Variants in KLF12 observed in about 807,000 individuals in gnomAD.
The protein encoded by KLF12 is Krueppel-like factor 12.
In KLF12, 9 loss-of-function variants were observed where a neutral mutation model predicts 37.8. The observed-to-expected ratio is 0.24, with a 90% CI of 0.14 to 0.42. KLF12 has a LOEUF of 0.42. Ranked by LOEUF, KLF12 falls within the 10% of genes least tolerant of loss-of-function variation. KLF12 has a pLI of 1.00. For missense variants in KLF12, 411 were observed against 516.0 expected, an observed-to-expected ratio of 0.80 and a Z score of 1.97; for synonymous variants, 208 against 202.1, an observed-to-expected ratio of 1.03 and a Z score of -0.25.
At chr13:73,720,145 A>T (rs1339060947) in intron 6 of KLF12, among the ~76,000 whole-genome samples, 1 of 152,132 alleles carries the variant, frequency 6.6e-6, no homozygotes, top group Non-Finnish European at 1.5e-5. Flanking sequence ...AGCTGGAAAA[A>T]GTGAGAGAAA....
At chr13:74,167,017 A>G in the KLF12 span, among the ~76,000 whole-genome samples, 1 of 152,202 alleles carries the variant, frequency 6.6e-6, no homozygotes, top group Non-Finnish European at 1.5e-5. Context: ...AAACAAAACC[A>G]TATTTTCTTC....
chr13:74,026,937 A>G (rs1403504971), intron 1 of KLF12, among the ~76,000 whole-genome samples: 3 of 152,158 alleles, frequency 2.0e-5, no homozygotes, highest in Non-Finnish European at 2.9e-5. Context: ...CACCACCTAG[A>G]AAAGTCAGGG....
At chr13:73,879,856 T>G (rs1222505053) in intron 3 of KLF12, among the ~76,000 whole-genome samples, 1 of 152,064 alleles carries the variant, frequency 6.6e-6, no homozygotes, top group Non-Finnish European at 1.5e-5. Flanking sequence ...AGAGCAAGAG[T>G]CTTTGTGATG....
At chr13:73,761,095 T>C (rs1879518171) in intron 6 of KLF12, among the ~76,000 whole-genome samples, 1 of 152,018 alleles carries the variant, frequency 6.6e-6, no homozygotes, top group African/African-American at 2.4e-5. Flanking sequence ...CTCCTGTGGG[T>C]CTGATATTAG....
intron 4 of KLF12, among the ~76,000 whole-genome samples, chr13:73,842,429 C>G (rs574102452): frequency 6.6e-6 from 1 of 152,162 alleles, no homozygotes; most frequent in African/African-American, 2.4e-5. Context: ...CACTATGAGA[C>G]AGAAACAACA....
chr13:73,763,847 G>A (rs1440376630), intron 6 of KLF12, among the ~76,000 whole-genome samples: 1 of 152,040 alleles, frequency 6.6e-6, no homozygotes, highest in East Asian at 1.9e-4. Context: ...AGGATGCCCC[G>A]GCTCTGAGGC....
At chr13:73,738,010 C>T (rs1566330740) in intron 6 of KLF12, among the ~76,000 whole-genome samples, 5 of 107,896 alleles carry the variant, frequency 4.6e-5, no homozygotes, top group Admixed American at 3.5e-4. Flanking sequence ...CTTAAATACA[C>T]TTCATTCAAC....
chr13:73,781,770 T>G (rs1397926607), intron 5 of KLF12, among the ~76,000 whole-genome samples: 3 of 151,980 alleles, frequency 2.0e-5, no homozygotes, highest in Non-Finnish European at 4.4e-5. Context: ...ATACATGTAA[T>G]CAACAACACA....
In KLF12 at chr13:73,687,879, T is replaced by C. The variant is rs945109377; in HGVS notation, c.*7611A>G. On this transcript the variant is annotated 3_prime_UTR_variant, in exon 8 of 8. Transcript: ENST00000377669. ...GATGAAATCCAGAAAGAAAAAGTAC[T>C]GAGGCGACTGTTTCCACTATTGATC... 6.6e-6 allele frequency: 1 copy of C among 152,230 alleles called. No homozygotes were observed. The highest frequency in any genetic ancestry group is 2.4e-5 in the African/African-American group (1 of 41,472). 9.4% of individuals were successfully genotyped at this position (152,230 alleles called of 1,614,324 possible).
intron 2 of KLF12, among the ~76,000 whole-genome samples, chr13:73,978,277 G>C (rs1364037890): frequency 6.6e-6 from 1 of 152,116 alleles, no homozygotes; most frequent in Non-Finnish European, 1.5e-5. Flanking sequence ...AGAAAAAAAA[G>C]AGTGTAAAAA....
chr13:73,976,053 A>G (rs1390075620), intron 2 of KLF12, among the ~76,000 whole-genome samples: 2 of 152,078 alleles, frequency 1.3e-5, no homozygotes, highest in Non-Finnish European at 2.9e-5. Flanking sequence ...CATGGTTGGA[A>G]GCTCAGAAAC....
chr13:73,702,699 C>G (rs1874650017), intron 7 of KLF12, among the ~76,000 whole-genome samples: 1 of 152,144 alleles, frequency 6.6e-6, no homozygotes, highest in Admixed American at 6.6e-5. Flanking sequence ...CAGACACTGA[C>G]AAATGAGCTT....
intron 6 of KLF12, among the ~76,000 whole-genome samples, chr13:73,739,729 A>G: frequency 6.6e-6 from 1 of 152,192 alleles, no homozygotes; most frequent in Non-Finnish European, 1.5e-5. Context: ...GTTGGCCATT[A>G]ATAGCTTCTG....
intron 7 of KLF12, among the ~76,000 whole-genome samples, chr13:73,697,337 T>C (rs1874222195): frequency 6.6e-6 from 1 of 152,194 alleles, no homozygotes; most frequent in Non-Finnish European, 1.5e-5. Flanking sequence ...GGACTAATTG[T>C]GGCCCCAGGT....
intron 1 of KLF12, among the ~76,000 whole-genome samples, chr13:74,060,272 A>AT (rs1488359849): frequency 8.6e-5 from 13 of 151,180 alleles, no homozygotes; most frequent in East Asian, 1.9e-4. Context: ...AAACTTAAGG[A>AT]TTTTTTTTTA....
the KLF12 span, among the ~76,000 whole-genome samples, chr13:74,215,196 ATTTTAT>A: frequency 1.3e-5 from 2 of 151,552 alleles, no homozygotes; most frequent in African/African-American, 2.4e-5. Context: ...CCTTTTAATT[ATTTTAT>A]TTTTATTTTT....
chr13:74,143,917 G>A, the KLF12 span, among the ~76,000 whole-genome samples: 3 of 152,178 alleles, frequency 2.0e-5, no homozygotes, highest in South Asian at 4.1e-4. Context: ...TAGGGTAGGT[G>A]CATGTTTTAC....
At chr13:73,908,170 A>G (rs1004858644) in intron 3 of KLF12, among the ~76,000 whole-genome samples, 20 of 152,080 alleles carry the variant, frequency 1.3e-4, no homozygotes, top group Non-Finnish European at 4.4e-5. Context: ...TGGGAGGCCG[A>G]GGTGGGTGGA....
intron 6 of KLF12, among the ~76,000 whole-genome samples, chr13:73,745,671 T>C (rs985242589): frequency 5.3e-5 from 8 of 152,164 alleles, no homozygotes; most frequent in African/African-American, 1.9e-4. Flanking sequence ...TCTGCACGTA[T>C]GTAATTTCTA....
Sources: allele counts gnomAD v4.1 joint callset (sites outside exome capture counted in the v4.1 genomes callset), GRCh38; gene constraint gnomAD v4.1.1; transcripts MANE v1.5; gene names NCBI Gene and HGNC (gene_info 2026-07-23, HGNC 2026-07-21).